SEPTIN2: variants seen among roughly 807,000 people sequenced by gnomAD.
SEPTIN2 encodes septin 2, also known as septin-2.
In SEPTIN2, 34 loss-of-function variants were observed where a neutral mutation model predicts 46.5. The ratio of observed to expected loss-of-function variants is 0.73; its 90% confidence interval spans 0.56 to 0.97. The LOEUF (loss-of-function observed/expected upper bound fraction) is 0.97, where lower values mean the gene tolerates loss of function less well. Ranked by LOEUF, SEPTIN2 falls within the 50% of genes least tolerant of loss-of-function variation. SEPTIN2 has a pLI of 0.00. For missense variants in SEPTIN2, 347 were observed against 448.4 expected, an observed-to-expected ratio of 0.77 and a Z score of 2.04; for synonymous variants, 175 against 153.4, an observed-to-expected ratio of 1.14 and a Z score of -1.04.
At chr2:241,342,341 T>A (rs150385281) in intron 7 of SEPTIN2, among the ~76,000 whole-genome samples, 1 of 152,014 alleles carries the variant, frequency 6.6e-6, no homozygotes, top group Non-Finnish European at 1.5e-5. Flanking sequence ...GCCTGTAGCT[T>A]CTCTGTGGCA....
intron 2 of SEPTIN2, chr2:241,324,575 C>G: frequency 2.6e-6 from 1 of 391,394 alleles, no homozygotes; most frequent in Admixed American, 3.5e-5. Flanking sequence ...TTAGTAAATT[C>G]GGGGTTTCAC....
At chr2:241,321,461 C>A (rs1336020175) in intron 1 of SEPTIN2, among the ~76,000 whole-genome samples, 1 of 152,104 alleles carries the variant, frequency 6.6e-6, no homozygotes. Flanking sequence ...TGTTGTCTCT[C>A]CTCCATGTTT....
chr2:241,331,728 C>G (rs930855789), intron 3 of SEPTIN2, among the ~76,000 whole-genome samples: 1 of 152,126 alleles, frequency 6.6e-6, no homozygotes, highest in Non-Finnish European at 1.5e-5. Context: ...CAAGCTGATT[C>G]GGAAGTTTAA....
At chr2:241,337,261 C>A in intron 5 of SEPTIN2, 121 bp from the exon 6 acceptor site, 2 of 962,850 alleles carry the variant, frequency 2.1e-6, no homozygotes, top group South Asian at 1.8e-5. Flanking sequence ...CTTCTGTTCT[C>A]ATCTTGAAAA....
chr2:241,320,080 TGTGA>T (rs576652709), intron 1 of SEPTIN2: 1 of 352,624 alleles, frequency 2.8e-6, no homozygotes, highest in South Asian at 2.3e-5. Flanking sequence ...CATTTATATT[TGTGA>T]GTGAGATTGG....
intron 1 of SEPTIN2, chr2:241,320,214 A>G (rs1443457958): frequency 8.5e-6 from 4 of 471,060 alleles, no homozygotes; most frequent in Non-Finnish European, 1.8e-5. Flanking sequence ...GGCTTGGAAT[A>G]GTTAAATGAC....
chr2:241,335,542 G>A, intron 4 of SEPTIN2: 1 of 637,146 alleles, frequency 1.6e-6, no homozygotes, highest in Non-Finnish European at 2.7e-6. Flanking sequence ...AGATTACTAG[G>A]ATAGATGTTC....
chr2:241,340,826 A>G (rs1450882790), intron 7 of SEPTIN2, among the ~76,000 whole-genome samples: 2 of 152,096 alleles, frequency 1.3e-5, no homozygotes, highest in African/African-American at 2.4e-5. Flanking sequence ...ATTCTGCCCT[A>G]TCTACAAGAA....
chr2:241,324,015 G>A (rs2077541546), intron 1 of SEPTIN2: 1 of 539,440 alleles, frequency 1.9e-6, no homozygotes, highest in Non-Finnish European at 3.3e-6. Context: ...AAGTAGTGAT[G>A]TTACACGAGC....
Position 241,353,882 on chromosome 2 carries a change from A to G in SEPTIN2, c.*1945A>G, listed in dbSNP as rs2060948936. The stretch of plus-strand genomic sequence containing the variant: ...TTTTACTACCCAAATCTAAATAGAT[A>G]CTTTTGATAATAGATAACTGCTCTT... On this transcript the variant is annotated 3_prime_UTR_variant, in exon 13 of 13. Coordinates refer to ENST00000391971, the MANE Select transcript of SEPTIN2 (RefSeq NM_004404.5). 1 of 153,068 alleles carries G rather than the reference A, an allele frequency of 6.5e-6. No individual in the cohort carries two copies. Among genetic ancestry groups the G allele is most frequent in the African/African-American group, 2.4e-5 (1 of 41,460 alleles). The allele number at this position is 153,068 out of a possible 1,614,324, so 9.5% of individuals were successfully genotyped here.
At chr2:241,351,763 T>C (rs2060814592) in intron 12 of SEPTIN2, 1 of 152,228 alleles carries the variant, frequency 6.6e-6, no homozygotes, top group Admixed American at 6.5e-5. Context: ...ATTTTATTTC[T>C]GTATACTTTC....
intron 7 of SEPTIN2, among the ~76,000 whole-genome samples, chr2:241,341,509 G>A (rs73002114): frequency 0.17 from 26,029 of 152,144 alleles, 2,593 homozygotes; most frequent in East Asian, 0.41. Flanking sequence ...GAAAGGGGCC[G>A]TAAGATGAGG....
intron 3 of SEPTIN2, among the ~76,000 whole-genome samples, chr2:241,326,679 C>G (rs1271979118): frequency 6.6e-6 from 1 of 151,962 alleles, no homozygotes; most frequent in Non-Finnish European, 1.5e-5. Context: ...TCTCAAATTA[C>G]TCACTCTGGA....
intron 2 of SEPTIN2, 57 bp downstream of exon 2, chr2:241,324,298 A>G: frequency 7.0e-7 from 1 of 1,420,706 alleles, no homozygotes; most frequent in East Asian, 2.3e-5. Flanking sequence ...ATGTTTTCAG[A>G]CTGTTGACAG....
At chr2:241,338,205 T>C (rs2080351508) in intron 7 of SEPTIN2, among the ~76,000 whole-genome samples, 1 of 152,116 alleles carries the variant, frequency 6.6e-6, no homozygotes, top group African/African-American at 2.4e-5. Context: ...AACATAGCAG[T>C]TGTCAGCCAG....
At chr2:241,330,111 C>G (rs1235501334) in intron 3 of SEPTIN2, among the ~76,000 whole-genome samples, 1 of 152,102 alleles carries the variant, frequency 6.6e-6, no homozygotes, top group African/African-American at 2.4e-5. Flanking sequence ...TATACACGAG[C>G]TAGACATGGA....
chr2:241,324,277 G>T, intron 2 of SEPTIN2, 36 bp downstream of exon 2: 3 of 1,575,262 alleles, frequency 1.9e-6, no homozygotes, highest in South Asian at 1.2e-5. Context: ...AGCATAAGGA[G>T]AAATTGCTTT....
intron 10 of SEPTIN2, among the ~76,000 whole-genome samples, chr2:241,347,676 C>G (rs976220428): frequency 6.6e-6 from 1 of 152,094 alleles, no homozygotes; most frequent in Admixed American, 6.6e-5. Flanking sequence ...TCATGTTGTT[C>G]GAACTTTTTA....
At chr2:241,337,051 G>A (rs184339649) in intron 5 of SEPTIN2, 55 of 174,218 alleles carry the variant, frequency 3.2e-4, no homozygotes, top group African/African-American at 1.2e-3. Flanking sequence ...CCGAGATCAC[G>A]CCACTGCACT....
Sources: gnomAD v4.1 joint callset for allele counts (sites outside exome capture counted in the v4.1 genomes callset) on GRCh38, gnomAD v4.1.1 for gene constraint, MANE v1.5 for transcripts, NCBI Gene and HGNC (gene_info 2026-07-23, HGNC 2026-07-21) for gene names.